The following BBOX1 variants were observed in gnomAD, a reference collection of about 807,000 sequenced individuals.
The protein encoded by BBOX1 is gamma-butyrobetaine dioxygenase.
A neutral mutation model predicts 41.6 loss-of-function variants in BBOX1; 35 were observed. The ratio of observed to expected loss-of-function variants is 0.84; its 90% confidence interval spans 0.64 to 1.11. The LOEUF is 1.11. Among genes scored for constraint, BBOX1 ranks in the 50% most tolerant of loss-of-function variants. The pLI is 0.00. For missense variants in BBOX1, 458 were observed against 460.6 expected (o/e 0.99, Z 0.05); for synonymous variants, 163 against 154.7 (o/e 1.05, Z -0.40).
intron 5 of BBOX1, among the ~76,000 whole-genome samples, chr11:27,094,341 T>C (rs1248602042): frequency 3.3e-5 from 5 of 151,914 alleles, no homozygotes; most frequent in African/African-American, 4.8e-5. Context: ...GTAGAGAGCA[T>C]TGAAAGTGAA....
Position 27,041,702 on chromosome 11 carries a change from T to C in BBOX1, c.-39+224T>C, listed in dbSNP as rs1295783048. Among the ~76,000 whole-genome samples the C allele has an allele frequency of 2.0e-5, 3 of 152,162 alleles. No individual in the cohort carries two copies. In the East Asian group the frequency reaches 5.8e-4, roughly 29 times the overall value. Reference sequence around the variant, plus strand: ...GAATAGGCTTGGTTTTGGAATGCAGTGGATCTGATTGCTTCTTGGCAGCTT... The same window carrying C: ...GAATAGGCTTGGTTTTGGAATGCAGCGGATCTGATTGCTTCTTGGCAGCTT... On this transcript the variant is annotated intron_variant, in intron 2 of 8. Transcript: ENST00000263182.
chr11:27,075,338 A>G (rs1857597757), intron 4 of BBOX1, among the ~76,000 whole-genome samples: 1 of 152,096 alleles, frequency 6.6e-6, no homozygotes, highest in South Asian at 2.1e-4. Context: ...TGAGGTTGGA[A>G]TAGCAGAGGT....
chr11:27,119,877 TA>T (rs773870555), intron 7 of BBOX1, 32 bp downstream of exon 7: 1 of 1,250,222 alleles, frequency 8.0e-7, no homozygotes, highest in Non-Finnish European at 1.0e-6. Context: ...CCCATAGCAA[TA>T]AAAGAATTGA....
intron 5 of BBOX1, among the ~76,000 whole-genome samples, chr11:27,097,924 C>A (rs903244948): frequency 6.6e-6 from 1 of 151,976 alleles, no homozygotes; most frequent in Non-Finnish European, 1.5e-5. Context: ...TCCTCCCCAT[C>A]CTCAAGCTAA....
chr11:27,069,208 T>C (rs1274364810), intron 4 of BBOX1, among the ~76,000 whole-genome samples: 1 of 152,160 alleles, frequency 6.6e-6, no homozygotes, highest in East Asian at 1.9e-4. Context: ...TTCTAATTCA[T>C]GAGCATGGGA....
At chr11:27,093,118 T>C (rs748002056) in intron 4 of BBOX1, 50 bp from the exon 5 acceptor site, 17 of 1,544,642 alleles carry the variant, frequency 1.1e-5, no homozygotes, top group Admixed American at 1.7e-5. Flanking sequence ...TATCGTCTTA[T>C]GTAAAAAGAA....
chr11:27,110,180 G>A (rs545656693), intron 5 of BBOX1, among the ~76,000 whole-genome samples: 2 of 151,820 alleles, frequency 1.3e-5, no homozygotes, highest in East Asian at 3.9e-4. Context: ...CCATAGTTAG[G>A]AGAGAACCAT....
chr11:27,069,353 T>A (rs928607175), intron 4 of BBOX1, among the ~76,000 whole-genome samples: 1 of 150,874 alleles, frequency 6.6e-6, no homozygotes, highest in African/African-American at 2.5e-5. Flanking sequence ...AAGGACTGAG[T>A]TCATGGTTTG....
intron 2 of BBOX1, among the ~76,000 whole-genome samples, chr11:27,048,490 T>A (rs896672110): frequency 6.8e-6 from 1 of 146,690 alleles, no homozygotes; most frequent in African/African-American, 2.5e-5. Flanking sequence ...TGTGTGTGTG[T>A]GTAGACAGAT....
intron 5 of BBOX1, among the ~76,000 whole-genome samples, chr11:27,109,954 T>A (rs895751654): frequency 7.2e-5 from 11 of 152,022 alleles, no homozygotes; most frequent in African/African-American, 2.7e-4. Context: ...AAAAGTTTTT[T>A]AAATTAGGTG....
intron 1 of BBOX1, 37 bp from the exon 2 acceptor site, chr11:27,041,179 T>C (rs1156943510): frequency 2.3e-5 from 2 of 85,312 alleles, no homozygotes; most frequent in Non-Finnish European, 4.6e-5. Flanking sequence ...AAGCCTCTTT[T>C]CTTTCTTTTT....
chr11:27,122,796 TTTG>T lies in BBOX1; in HGVS notation c.837-2848_837-2846del, dbSNP rs1479751831. 2.6e-5 allele frequency among the ~76,000 whole-genome samples: 4 copies of T among 152,204 alleles called. No individual in the cohort carries two copies. In the East Asian group the frequency reaches 5.8e-4, roughly 22 times the overall value. ...TAAAAGTCCTTTCTTTGGTTTTTTTTTTGTTGTTGTTGGCATCATTGATAATGT... is the reference window on the plus strand; with the variant it reads ...TAAAAGTCCTTTCTTTGGTTTTTTTTTTGTTGTTGGCATCATTGATAATGT... On this transcript the variant is annotated intron_variant, in intron 7 of 8. Coordinates refer to ENST00000263182, the MANE Select transcript of BBOX1 (RefSeq NM_003986.3).
intron 4 of BBOX1, among the ~76,000 whole-genome samples, chr11:27,090,140 A>G (rs767658333): frequency 1.6e-4 from 24 of 152,016 alleles, no homozygotes; most frequent in Non-Finnish European, 3.2e-4. Context: ...CTTCACGAAC[A>G]TGAAAGAGTA....
chr11:27,045,694 T>G (rs1253386233), intron 2 of BBOX1, among the ~76,000 whole-genome samples: 2 of 152,250 alleles, frequency 1.3e-5, no homozygotes, highest in Non-Finnish European at 2.9e-5. Context: ...AGATGAAAAT[T>G]AACAGATACT....
At chr11:27,110,352 C>G (rs964519162) in intron 5 of BBOX1, among the ~76,000 whole-genome samples, 4 of 151,906 alleles carry the variant, frequency 2.6e-5, no homozygotes, top group Non-Finnish European at 1.5e-5. Flanking sequence ...GGCTTCCCAT[C>G]ACATGTAAAG....
At position 27,086,799 on chromosome 11, in the gene BBOX1, T is replaced by C. The variant is rs578073221; in HGVS notation, c.335-6369T>C. Among the ~76,000 whole-genome samples the C allele has an allele frequency of 7.2e-5, 11 of 152,228 alleles. No homozygotes were observed. In the South Asian group the frequency reaches 1.2e-3, roughly 17 times the overall value. On this transcript the variant is annotated intron_variant, in intron 4 of 8. Coordinates refer to ENST00000263182, the MANE Select transcript of BBOX1 (RefSeq NM_003986.3). Reference sequence around the variant, plus strand: ...TCTGGAAAGGATTCACCATTCTAGATGCTATTATGAACGTTTTTGATTCAT... The same window carrying C: ...TCTGGAAAGGATTCACCATTCTAGACGCTATTATGAACGTTTTTGATTCAT...
chr11:27,117,741 T>C (rs1479899696), intron 6 of BBOX1, among the ~76,000 whole-genome samples: 1 of 152,044 alleles, frequency 6.6e-6, no homozygotes, highest in Non-Finnish European at 1.5e-5. Context: ...TGAAGTATAA[T>C]AGAATGCTTG....
intron 7 of BBOX1, 108 bp from the exon 8 acceptor site, chr11:27,125,546 A>G: frequency 2.0e-6 from 2 of 996,672 alleles, no homozygotes; most frequent in South Asian, 4.6e-5. Flanking sequence ...ATGTATTTGG[A>G]TTTTTTAATA....
At chr11:27,067,278 G>A (rs1290523424) in intron 4 of BBOX1, among the ~76,000 whole-genome samples, 1 of 151,890 alleles carries the variant, frequency 6.6e-6, no homozygotes, top group Non-Finnish European at 1.5e-5. Context: ...TTACATAAAT[G>A]AATAGCACAG....
Sources: allele counts gnomAD v4.1 joint callset (sites outside exome capture counted in the v4.1 genomes callset), GRCh38; gene constraint gnomAD v4.1.1; transcripts MANE v1.5; gene names NCBI Gene and HGNC (gene_info 2026-07-23, HGNC 2026-07-21).